SRD5A2: variants seen among roughly 807,000 people sequenced by gnomAD.
SRD5A2 encodes the protein steroid 5 alpha-reductase 2.
A neutral mutation model predicts 27.4 loss-of-function variants in SRD5A2; 30 were observed. The ratio of observed to expected loss-of-function variants is 1.10; its 90% confidence interval spans 0.82 to 1.49. The LOEUF (loss-of-function observed/expected upper bound fraction) is 1.49. Ranked by LOEUF, SRD5A2 falls within the 40% of genes most tolerant of loss-of-function variation. SRD5A2 has a pLI of 0.00. For synonymous variants in SRD5A2, 141 were observed against 133.6 expected (o/e 1.06, Z -0.38); for missense variants, 348 against 323.4 (o/e 1.08, Z -0.58).
chr2:31,602,432 T>C, the SRD5A2 span, among the ~76,000 whole-genome samples: 201 of 152,162 alleles, frequency 1.3e-3, no homozygotes, highest in African/African-American at 4.3e-3. Context: ...GGAAAAGCAT[T>C]CCACGCTCAT....
rs1031334872 is a variant in SRD5A2 at position 31,580,497 on chromosome 2, C to A, written c.281+123G>T. On this transcript the variant is annotated intron_variant, in intron 1 of 4. Transcript: ENST00000622030. ...GGTGCGCCAGGCAGGCTGGCCTCCGCGTTCCTCACAGCGCCCCACGCTGCC... is the reference window on the plus strand; with the variant it reads ...GGTGCGCCAGGCAGGCTGGCCTCCGAGTTCCTCACAGCGCCCCACGCTGCC... 7 of 1,247,948 alleles carry A rather than the reference C, an allele frequency of 5.6e-6. No individual in the cohort carries two copies. In the African/African-American group the frequency reaches 7.8e-5, roughly 14 times the overall value. The allele number at this position is 1,247,948 out of a possible 1,614,324, so 77.3% of individuals were successfully genotyped here. A position where few individuals can be genotyped will look rare whatever the true frequency, so the allele number is the denominator to read the frequency against.
At chr2:31,580,350 G>A (rs1363887234) in intron 1 of SRD5A2, among the ~76,000 whole-genome samples, 2 of 152,096 alleles carry the variant, frequency 1.3e-5, no homozygotes, top group South Asian at 2.1e-4. Context: ...TCTTTCTCTC[G>A]AGCAGCCAGA....
the SRD5A2 span, among the ~76,000 whole-genome samples, chr2:31,617,959 C>G: frequency 6.6e-6 from 1 of 152,202 alleles, no homozygotes. Context: ...GCACCCTACT[C>G]TACTGGTACC....
the SRD5A2 span, among the ~76,000 whole-genome samples, chr2:31,589,834 GC>G: frequency 0.01 from 1,535 of 152,296 alleles, 7 homozygotes; most frequent in Non-Finnish European, 0.014. Context: ...TGAGAGCCCT[GC>G]TTGCTTTCTC....
chr2:31,548,269 T>C (rs908196379), intron 1 of SRD5A2, among the ~76,000 whole-genome samples: 3 of 152,062 alleles, frequency 2.0e-5, no homozygotes, highest in Non-Finnish European at 2.9e-5. Flanking sequence ...ATCTTTAAAA[T>C]TGTACATCAA....
At chr2:31,605,969 TA>T in the SRD5A2 span, among the ~76,000 whole-genome samples, 1 of 151,824 alleles carries the variant, frequency 6.6e-6, no homozygotes, top group Non-Finnish European at 1.5e-5. Context: ...ATTCAGCCAT[TA>T]AAAAATGAGA....
chr2:31,600,823 CA>C, the SRD5A2 span, among the ~76,000 whole-genome samples: 2 of 151,864 alleles, frequency 1.3e-5, no homozygotes, highest in Admixed American at 6.6e-5. Context: ...AAAACACTAA[CA>C]AGCCAAATTC....
At chr2:31,639,892 T>A in the SRD5A2 span, among the ~76,000 whole-genome samples, 22 of 152,104 alleles carry the variant, frequency 1.4e-4, no homozygotes, top group African/African-American at 5.1e-4. Flanking sequence ...ATATTTTTAA[T>A]TTTGGAAAGT....
the SRD5A2 span, among the ~76,000 whole-genome samples, chr2:31,646,899 C>A: frequency 6.6e-6 from 1 of 152,288 alleles, no homozygotes; most frequent in African/African-American, 2.4e-5. Context: ...ATAATCCCAA[C>A]ACTTTGGGAG....
intron 1 of SRD5A2, among the ~76,000 whole-genome samples, chr2:31,565,456 C>T (rs1666711245): frequency 6.6e-6 from 1 of 151,788 alleles, no homozygotes; most frequent in Admixed American, 6.6e-5. Context: ...TTGAGACACA[C>T]ACATTAAATC....
intron 1 of SRD5A2, among the ~76,000 whole-genome samples, chr2:31,574,393 C>G (rs959819444): frequency 3.9e-5 from 6 of 152,200 alleles, no homozygotes; most frequent in African/African-American, 1.4e-4. Flanking sequence ...CTTTGCCAGT[C>G]TGAATCCTTG....
intron 1 of SRD5A2, among the ~76,000 whole-genome samples, chr2:31,550,980 GA>G (rs1418286126): frequency 2.0e-5 from 3 of 151,900 alleles, no homozygotes; most frequent in South Asian, 4.1e-4. Flanking sequence ...AAAATATACA[GA>G]AAAAAACCCC....
chr2:31,643,696 C>T, the SRD5A2 span, among the ~76,000 whole-genome samples: 10 of 152,116 alleles, frequency 6.6e-5, 1 homozygote, highest in East Asian at 1.4e-3. Flanking sequence ...AAGAAGTGCT[C>T]ACAGAATTAT....
At chr2:31,583,873 T>C (rs1462244297), upstream of SRD5A2, among the ~76,000 whole-genome samples, 1 of 151,768 alleles carries the variant, frequency 6.6e-6, no homozygotes, top group Non-Finnish European at 1.5e-5. Context: ...CAAGACCACA[T>C]GGAGAAGCAC....
the SRD5A2 span, among the ~76,000 whole-genome samples, chr2:31,618,377 C>T: frequency 2.6e-5 from 4 of 152,102 alleles, no homozygotes; most frequent in African/African-American, 4.8e-5. Context: ...GGTATCTGCA[C>T]TCCCATTTTC....
At chr2:31,647,632 C>T in the SRD5A2 span, among the ~76,000 whole-genome samples, 1 of 152,208 alleles carries the variant, frequency 6.6e-6, no homozygotes, top group African/African-American at 2.4e-5. Flanking sequence ...CCTCTCTCAT[C>T]TCTGCTGGCC....
Position 31,524,618 on chromosome 2 carries a change from A to T in SRD5A2, c.*1578T>A. ...TAAAGGTATTTAATGAACAACAAAAACACTTATTTATATGATTGCAATTTG... is the reference window on the plus strand; with the variant it reads ...TAAAGGTATTTAATGAACAACAAAATCACTTATTTATATGATTGCAATTTG... On this transcript the variant is annotated 3_prime_UTR_variant, in exon 5 of 5. Coordinates refer to ENST00000622030, the MANE Select transcript of SRD5A2 (RefSeq NM_000348.4). 4.3e-6 allele frequency: 1 copy of T among 230,038 alleles called. No homozygotes were observed. The highest frequency in any genetic ancestry group is 8.6e-6 in the Non-Finnish European group (1 of 116,012). The allele number at this position is 230,038 out of a possible 1,614,324, so 14.2% of individuals were successfully genotyped here.
At chr2:31,623,763 T>C in the SRD5A2 span, among the ~76,000 whole-genome samples, 1 of 152,116 alleles carries the variant, frequency 6.6e-6, no homozygotes, top group East Asian at 1.9e-4. Flanking sequence ...TTTTATTATT[T>C]AGAGGTATGT....
the SRD5A2 span, among the ~76,000 whole-genome samples, chr2:31,628,215 C>T: frequency 1.3e-5 from 2 of 152,002 alleles, no homozygotes; most frequent in Non-Finnish European, 2.9e-5. Flanking sequence ...AAGCCCTTTA[C>T]CATTACATAA....
Sources: gnomAD v4.1 joint callset for allele counts (sites outside exome capture counted in the v4.1 genomes callset) on GRCh38, gnomAD v4.1.1 for gene constraint, MANE v1.5 for transcripts, NCBI Gene and HGNC (gene_info 2026-07-23, HGNC 2026-07-21) for gene names.